WDFY4: variants seen among roughly 807,000 people sequenced by gnomAD.
WDFY4 encodes the protein WD repeat- and FYVE domain-containing protein 4.
Under a neutral mutation model 351.9 loss-of-function variants are expected in WDFY4, and 169 were observed. That is an observed-to-expected ratio of 0.48 (90% confidence interval 0.42 to 0.55). WDFY4 has a LOEUF of 0.55. WDFY4 is among the 20% of genes least tolerant of loss of function. The probability of loss-of-function intolerance (pLI) is 0.00; values close to 1 mark genes in which losing one functional copy is unlikely to be tolerated. For synonymous variants in WDFY4, 1,622 were observed against 1,574.6 expected (o/e 1.03, Z -0.71); for missense variants, 3,803 against 3,935.6 (o/e 0.97, Z 0.90).
chr10:48,790,979 G>A, intron 23 of WDFY4, 62 bp downstream of exon 23: 1 of 1,533,034 alleles, frequency 6.5e-7, no homozygotes, highest in Non-Finnish European at 8.8e-7. Context: ...CTGGGAAACA[G>A]GGACAAGCGT....
chr10:48,813,528 G>C (rs371931488), intron 30 of WDFY4, among the ~76,000 whole-genome samples: 5 of 152,236 alleles, frequency 3.3e-5, no homozygotes, highest in South Asian at 4.2e-4. Flanking sequence ...TCAATAGCTT[G>C]CCTGAGCTCA....
intron 26 of WDFY4, 64 bp from the exon 27 acceptor site, chr10:48,805,940 C>CATGT (rs1316064978): frequency 7.1e-7 from 1 of 1,400,658 alleles, no homozygotes. Flanking sequence ...AAAACACTGG[C>CATGT]ATGTACTCAG....
chr10:48,774,351 C>G, intron 13 of WDFY4, 107 bp from the exon 14 acceptor site: 1 of 1,143,820 alleles, frequency 8.7e-7, no homozygotes, highest in African/African-American at 1.5e-5. Context: ...ATGGTGGGCG[C>G]AGTCTCCTTG....
intron 47 of WDFY4, chr10:48,910,366 GA>G: frequency 1.1e-6 from 1 of 950,738 alleles, no homozygotes; most frequent in Non-Finnish European, 1.7e-6. Context: ...TGACCTTCAG[GA>G]TGGTCAGGTT....
At chr10:48,718,283 A>G (rs1055027569) in intron 2 of WDFY4, among the ~76,000 whole-genome samples, 1 of 152,174 alleles carries the variant, frequency 6.6e-6, no homozygotes, top group African/African-American at 2.4e-5. Flanking sequence ...CGCATTGTGA[A>G]TATTTTCTCC....
chr10:48,855,267 A>G (rs796134458), intron 39 of WDFY4, among the ~76,000 whole-genome samples: 7 of 152,320 alleles, frequency 4.6e-5, no homozygotes, highest in South Asian at 4.1e-4. Flanking sequence ...TGTAATCACC[A>G]TTAATGATAC....
chr10:48,900,316 T>C lies in WDFY4; in HGVS notation c.7523+10T>C, dbSNP rs1419332067. On this transcript the variant is annotated intron_variant, in intron 46 of 61. Coordinates refer to ENST00000325239, the MANE Select transcript of WDFY4 (RefSeq NM_001394531.1). Reference sequence around the variant, plus strand: ...GTAAGGCCTTTAAAAGGTAAGAGCTTGAAAATCCTCCTTCTGAGGAAACTG... The same window carrying C: ...GTAAGGCCTTTAAAAGGTAAGAGCTCGAAAATCCTCCTTCTGAGGAAACTG... 1.9e-6 allele frequency: 3 copies of C among 1,548,704 alleles called. No individual in the cohort carries two copies. Among genetic ancestry groups the C allele is most frequent in the African/African-American group, 2.7e-5 (2 of 72,810 alleles).
intron 55 of WDFY4, chr10:48,967,624 G>C (rs911067512): frequency 6.6e-6 from 1 of 152,130 alleles, no homozygotes; most frequent in Non-Finnish European, 1.5e-5. Flanking sequence ...TGGGGTGGGG[G>C]TGGTTCCACT....
At chr10:48,970,735 T>C (rs190004300) in intron 57 of WDFY4, among the ~76,000 whole-genome samples, 1 of 152,320 alleles carries the variant, frequency 6.6e-6, no homozygotes, top group African/African-American at 2.4e-5. Flanking sequence ...CCCTGTAAAA[T>C]AGGTGCCATG....
intron 40 of WDFY4, among the ~76,000 whole-genome samples, chr10:48,868,853 G>A (rs2069652718): frequency 6.6e-6 from 1 of 152,120 alleles, no homozygotes; most frequent in African/African-American, 2.4e-5. Flanking sequence ...AAATTCTGTT[G>A]AGATCTGTGA....
Position 48,981,352 on chromosome 10 carries a change from A to G in WDFY4, c.9377-15A>G. On this transcript the variant is annotated splice_polypyrimidine_tract_variant and intron_variant, in intron 60 of 61. Transcript: ENST00000325239. ...GATCTGGCGTTCTAACTCTTCTCTC[A>G]CATGCTCCACACAGGCCACAAGTGG... The G allele has an allele frequency of 6.4e-7, 1 of 1,551,372 alleles. No individual in the cohort carries two copies. Among genetic ancestry groups the G allele is most frequent in the South Asian group, 1.2e-5 (1 of 84,056 alleles).
intron 47 of WDFY4, among the ~76,000 whole-genome samples, chr10:48,911,143 G>A (rs1026708142): frequency 1.4e-4 from 22 of 152,192 alleles, no homozygotes; most frequent in Non-Finnish European, 2.6e-4. Context: ...TGGCAGGCTA[G>A]CGGTGGCTCC....
chr10:48,813,625 T>C (rs564484551), intron 30 of WDFY4, among the ~76,000 whole-genome samples: 1 of 152,312 alleles, frequency 6.6e-6, no homozygotes, highest in East Asian at 1.9e-4. Flanking sequence ...AAGTTTCCCC[T>C]GAAACCTTTG....
chr10:48,700,181 C>T (rs925722561), intron 1 of WDFY4, among the ~76,000 whole-genome samples: 1 of 152,222 alleles, frequency 6.6e-6, no homozygotes, highest in Non-Finnish European at 1.5e-5. Context: ...AAGGGAGTCT[C>T]AGAGCACTGG....
intron 1 of WDFY4, among the ~76,000 whole-genome samples, chr10:48,688,270 C>T (rs1021118775): frequency 6.6e-6 from 1 of 152,158 alleles, no homozygotes; most frequent in Non-Finnish European, 1.5e-5. Context: ...CCATTCTTTT[C>T]TTCTTCCATC....
chr10:48,686,206 C>T (rs183372830), intron 1 of WDFY4, among the ~76,000 whole-genome samples: 10 of 151,240 alleles, frequency 6.6e-5, no homozygotes, highest in East Asian at 5.8e-4. Context: ...TTCGGCCAGG[C>T]GCAGTGGTTC....
chr10:48,885,487 A>G (rs893282939), intron 43 of WDFY4, among the ~76,000 whole-genome samples: 5 of 152,136 alleles, frequency 3.3e-5, no homozygotes, highest in African/African-American at 1.2e-4. Flanking sequence ...AGGTATTGCC[A>G]TTTCCACCTG....
Position 48,770,303 on chromosome 10 carries a change from T to C in WDFY4, c.2554-4155T>C, listed in dbSNP as rs539000524. On this transcript the variant is annotated intron_variant, in intron 13 of 61. Coordinates refer to ENST00000325239, the MANE Select transcript of WDFY4 (RefSeq NM_001394531.1). ...TTTTTGCATATTTAGATTTTAAGTA[T>C]TCCTGCTATGTTGGGGGGAAAGAAG... 2.6e-5 allele frequency among the ~76,000 whole-genome samples: 4 copies of C among 152,314 alleles called. No individual in the cohort carries two copies. In the South Asian group the frequency reaches 8.3e-4, roughly 32 times the overall value.
At chr10:48,803,424 G>A (rs2067149977) in intron 25 of WDFY4, 65 bp downstream of exon 25, 21 of 1,502,812 alleles carry the variant, frequency 1.4e-5, no homozygotes, top group Non-Finnish European at 1.7e-5. Context: ...CAGAGACAGG[G>A]CAGGGTGGCC....
Sources: allele counts gnomAD v4.1 joint callset (sites outside exome capture counted in the v4.1 genomes callset), GRCh38; gene constraint gnomAD v4.1.1; transcripts MANE v1.5; gene names NCBI Gene and HGNC (gene_info 2026-07-23, HGNC 2026-07-21).